ULK4: variants seen among roughly 807,000 people sequenced by gnomAD.
ULK4 encodes inactive serine/threonine-protein kinase ULK4.
A neutral mutation model predicts 160.6 loss-of-function variants in ULK4; 133 were observed. That is an observed-to-expected ratio of 0.83 (90% CI 0.72 to 0.96). The LOEUF is 0.96. ULK4 is among the 40% of genes least tolerant of loss of function. The pLI, the probability that ULK4 is intolerant of heterozygous loss-of-function variation, is 0.00. For synonymous variants in ULK4, 534 were observed against 539.8 expected (o/e 0.99, Z 0.15); for missense variants, 1,580 against 1,499.5 (o/e 1.05, Z -0.89).
chr3:41,898,351 A>G, intron 14 of ULK4, 81 bp downstream of exon 14: 3 of 882,364 alleles, frequency 3.4e-6, no homozygotes, highest in Admixed American at 5.0e-5. Flanking sequence ...TTATTCACAT[A>G]TATTCTATTT....
At chr3:41,898,575 A>G in intron 13 of ULK4, 83 bp from the exon 14 acceptor site, 2 of 812,598 alleles carry the variant, frequency 2.5e-6, no homozygotes, top group East Asian at 2.6e-5. Flanking sequence ...ATGTCAGATA[A>G]TAAATCAATG....
At chr3:41,368,734 A>G (rs1465669790) in intron 35 of ULK4, among the ~76,000 whole-genome samples, 1 of 152,110 alleles carries the variant, frequency 6.6e-6, no homozygotes, top group Non-Finnish European at 1.5e-5. Context: ...CCTTTTTATG[A>G]CTGAATAATA....
chr3:41,314,821 G>A (rs1403235192), intron 35 of ULK4, among the ~76,000 whole-genome samples: 1 of 151,982 alleles, frequency 6.6e-6, no homozygotes, highest in Admixed American at 6.6e-5. Flanking sequence ...GTGTCTGTGT[G>A]TGTGTGTGTG....
chr3:41,785,210 A>C (rs2125587475), intron 21 of ULK4, among the ~76,000 whole-genome samples: 1 of 152,348 alleles, frequency 6.6e-6, no homozygotes, highest in Non-Finnish European at 1.5e-5. Context: ...GTGGAGGAAG[A>C]GTTAAATTAT....
At chr3:41,255,848 C>T (rs530503652) in intron 35 of ULK4, among the ~76,000 whole-genome samples, 2 of 152,272 alleles carry the variant, frequency 1.3e-5, no homozygotes, top group East Asian at 3.9e-4. Flanking sequence ...AGGTTCTATA[C>T]AACAAGAGTA....
chr3:41,373,523 C>G (rs2081416360), intron 35 of ULK4, among the ~76,000 whole-genome samples: 1 of 152,174 alleles, frequency 6.6e-6, no homozygotes, highest in African/African-American at 2.4e-5. Flanking sequence ...GAACAACATG[C>G]TCCTGAATGA....
At chr3:41,674,190 T>C (rs1322689909) in intron 29 of ULK4, among the ~76,000 whole-genome samples, 1 of 152,094 alleles carries the variant, frequency 6.6e-6, no homozygotes, top group African/African-American at 2.4e-5. Context: ...GAGTGAAAAA[T>C]CTAGTCCCAT....
At chr3:41,865,805 G>A (rs1696835218) in intron 17 of ULK4, among the ~76,000 whole-genome samples, 1 of 151,622 alleles carries the variant, frequency 6.6e-6, no homozygotes, top group Admixed American at 6.6e-5. Context: ...TTTATTGTAG[G>A]TTAAAATACA....
chr3:41,924,254 G>A (rs1431002610), intron 5 of ULK4, among the ~76,000 whole-genome samples: 3 of 152,050 alleles, frequency 2.0e-5, no homozygotes, highest in African/African-American at 4.8e-5. Flanking sequence ...CTTGCTCATC[G>A]CCATACTTAG....
chr3:41,251,756 C>G (rs2078747069), intron 35 of ULK4, among the ~76,000 whole-genome samples: 1 of 152,214 alleles, frequency 6.6e-6, no homozygotes, highest in Admixed American at 6.5e-5. Flanking sequence ...AACCAGATCT[C>G]TATTCTTTCT....
At chr3:41,662,098 T>G (rs551836642) in intron 30 of ULK4, among the ~76,000 whole-genome samples, 2 of 152,224 alleles carry the variant, frequency 1.3e-5, no homozygotes, top group Non-Finnish European at 2.9e-5. Context: ...TATAACTATC[T>G]GAATTTTTAT....
At chr3:41,408,914 C>G (rs2082352742) in intron 34 of ULK4, among the ~76,000 whole-genome samples, 2 of 152,096 alleles carry the variant, frequency 1.3e-5, no homozygotes, top group African/African-American at 4.8e-5. Flanking sequence ...AAAAATGAAA[C>G]TGGACCCCAC....
intron 2 of ULK4, among the ~76,000 whole-genome samples, chr3:41,947,691 T>C (rs534170786): frequency 1.3e-5 from 2 of 152,152 alleles, no homozygotes; most frequent in Admixed American, 1.3e-4. Context: ...AGAGTAGAAA[T>C]GCTTCTGCAA....
rs147148255 is a variant in ULK4 at position 41,340,819 on chromosome 3, C to A, written c.3678+57260G>T. ...AAGCCCAGGTTCATAATGGTAACCA[C>A]TCTCAGTGTTAAGCTGAAGTTTCTG... On this transcript the variant is annotated intron_variant, in intron 35 of 36. Coordinates refer to ENST00000301831, the MANE Select transcript of ULK4 (RefSeq NM_017886.4). 1.3e-4 allele frequency among the ~76,000 whole-genome samples: 20 copies of A among 152,320 alleles called. No individual in the cohort carries two copies. The East Asian group carries it at 3.7e-3, about 28-fold the overall frequency.
chr3:41,792,730 T>G (rs2040186639), intron 20 of ULK4, among the ~76,000 whole-genome samples: 1 of 152,244 alleles, frequency 6.6e-6, no homozygotes, highest in African/African-American at 2.4e-5. Flanking sequence ...AATTCACTTC[T>G]AAATATCAAA....
chr3:41,553,315 C>G (rs1412029544), intron 32 of ULK4, among the ~76,000 whole-genome samples: 1 of 151,944 alleles, frequency 6.6e-6, no homozygotes. Context: ...ACTGAAGAGA[C>G]CACTTTTTGA....
intron 32 of ULK4, among the ~76,000 whole-genome samples, chr3:41,474,687 G>C (rs892399533): frequency 1.1e-4 from 16 of 150,902 alleles, no homozygotes; most frequent in African/African-American, 3.9e-4. Context: ...AACGAACAAG[G>C]AACTTGAATA....
chr3:41,277,615 T>C (rs906951240), intron 35 of ULK4, among the ~76,000 whole-genome samples: 1 of 152,050 alleles, frequency 6.6e-6, no homozygotes, highest in African/African-American at 2.4e-5. Context: ...ATAAAAGCCA[T>C]CTATGACAAG....
chr3:41,792,050 G>A (rs1264445553), intron 20 of ULK4, among the ~76,000 whole-genome samples: 3 of 152,110 alleles, frequency 2.0e-5, no homozygotes, highest in African/African-American at 7.2e-5. Flanking sequence ...TTTCAAAAAA[G>A]CTACAGATGG....
Sources: gnomAD v4.1 joint callset for allele counts (sites outside exome capture counted in the v4.1 genomes callset) on GRCh38, gnomAD v4.1.1 for gene constraint, MANE v1.5 for transcripts, NCBI Gene and HGNC (gene_info 2026-07-23, HGNC 2026-07-21) for gene names.